FREM3: variants seen among roughly 807,000 people sequenced by gnomAD.
The protein encoded by FREM3 is FRAS1 related extracellular matrix 3, also known as FRAS1-related extracellular matrix protein 3.
In FREM3, 105 loss-of-function variants were observed where a neutral mutation model predicts 129.1. The observed-to-expected ratio is 0.81, with a 90% CI of 0.69 to 0.96. The LOEUF is 0.96. Among genes scored for constraint, FREM3 ranks in the 40% least tolerant of loss-of-function variants. The pLI, the probability that FREM3 is intolerant of heterozygous loss-of-function variation, is 0.00. For synonymous variants in FREM3, 1,014 were observed against 1,044.9 expected, an observed-to-expected ratio of 0.97 and a Z score of 0.57; for missense variants, 2,593 against 2,666.3, an observed-to-expected ratio of 0.97 and a Z score of 0.61.
intron 6 of FREM3, among the ~76,000 whole-genome samples, chr4:143,588,433 C>T (rs1738284560): frequency 6.8e-6 from 1 of 147,560 alleles, no homozygotes; most frequent in South Asian, 2.2e-4. Flanking sequence ...GTGATGTTCT[C>T]CTTCCTGTGT....
rs535926472 is a variant in FREM3 at position 143,587,588 on chromosome 4, A to G, written c.6029-1595T>C. The stretch of plus-strand genomic sequence containing the variant: ...TCTTACCAAGAACTTTCTCCTCATT[A>G]TTGCTAATGGGTGTTTCTGATGCCT... On this transcript the variant is annotated intron_variant, in intron 6 of 7. Transcript: ENST00000329798. Among the ~76,000 whole-genome samples the G allele has an allele frequency of 3.3e-5, 5 of 152,262 alleles. No homozygotes were observed. In the East Asian group the frequency reaches 7.7e-4, roughly 24 times the overall value.
chr4:143,600,832 G>A (rs1010164672), intron 6 of FREM3, among the ~76,000 whole-genome samples: 1 of 152,224 alleles, frequency 6.6e-6, no homozygotes, highest in East Asian at 1.9e-4. Context: ...CATGGAGGCT[G>A]AAAAGACCAC....
intron 5 of FREM3, among the ~76,000 whole-genome samples, chr4:143,619,200 A>G (rs1578837221): frequency 6.6e-6 from 1 of 152,172 alleles, no homozygotes; most frequent in African/African-American, 2.4e-5. Context: ...CATTTTGTGC[A>G]TATGTGTCCT....
At chr4:143,674,047 G>A (rs1033951991) in intron 2 of FREM3, among the ~76,000 whole-genome samples, 4 of 152,198 alleles carry the variant, frequency 2.6e-5, no homozygotes, top group African/African-American at 9.7e-5. Flanking sequence ...TCCTGGGTGA[G>A]GCGATGCCTC....
At chr4:143,612,643 T>A (rs867247247) in intron 5 of FREM3, among the ~76,000 whole-genome samples, 13 of 152,318 alleles carry the variant, frequency 8.5e-5, no homozygotes, top group Middle Eastern at 3.4e-3. Context: ...ATAATTTTTT[T>A]TCTAGAATAA....
chr4:143,586,066 G>A lies in FREM3; in HGVS notation c.6029-73C>T, dbSNP rs539525546. 4 of 1,408,512 alleles carry A rather than the reference G, an allele frequency of 2.8e-6. No homozygotes were observed. The South Asian group carries it at 5.1e-5, about 18-fold the overall frequency. 87.3% of individuals were successfully genotyped at this position (1,408,512 alleles called of 1,614,324 possible). A position where few individuals can be genotyped will look rare whatever the true frequency, so the allele number is the denominator to read the frequency against. On this transcript the variant is annotated intron_variant, in intron 6 of 7. Transcript: ENST00000329798. ...TATACTGTCTCCTTTGGCCCTGTGT[G>A]AGCCTGGGCATTTGTCATAATTGTC...
intron 2 of FREM3, among the ~76,000 whole-genome samples, chr4:143,648,907 G>A (rs1739464896): frequency 6.6e-6 from 1 of 152,006 alleles, no homozygotes; most frequent in South Asian, 2.1e-4. Context: ...GACTACATGT[G>A]TGCACCACCA....
At chr4:143,617,262 G>C (rs77288641) in intron 5 of FREM3, among the ~76,000 whole-genome samples, 2,080 of 152,076 alleles carry the variant, frequency 0.014, 40 homozygotes, top group African/African-American at 0.048. Flanking sequence ...GGCAATGTCT[G>C]GTGACATTTT....
intron 5 of FREM3, among the ~76,000 whole-genome samples, chr4:143,613,152 A>T: frequency 6.6e-6 from 1 of 152,236 alleles, no homozygotes; most frequent in East Asian, 1.9e-4. Flanking sequence ...AAAGAACAAA[A>T]ATTTTAGAAT....
At chr4:143,619,181 T>C (rs576319630) in intron 5 of FREM3, among the ~76,000 whole-genome samples, 74 of 152,198 alleles carry the variant, frequency 4.9e-4, no homozygotes, top group Non-Finnish European at 8.8e-4. Context: ...CAGATTATGC[T>C]AACACTGCCA....
intron 6 of FREM3, among the ~76,000 whole-genome samples, chr4:143,591,822 C>T (rs1235116898): frequency 6.6e-6 from 1 of 152,146 alleles, no homozygotes; most frequent in Non-Finnish European, 1.5e-5. Context: ...ACTGATCTGT[C>T]TAATGTTGAC....
intron 7 of FREM3, among the ~76,000 whole-genome samples, chr4:143,580,983 G>A (rs1578818631): frequency 6.6e-6 from 1 of 152,172 alleles, no homozygotes; most frequent in Non-Finnish European, 1.5e-5. Flanking sequence ...TAGCAGCTCC[G>A]CACTTCCTTG....
chr4:143,611,275 T>C lies in FREM3; in HGVS notation c.6028+4A>G. On this transcript the variant is annotated splice_donor_region_variant and intron_variant, in intron 6 of 7. Coordinates refer to ENST00000329798, the MANE Select transcript of FREM3 (RefSeq NM_001168235.2). ...AAAGGTTGGAAAGCAACAAATGGAC[T>C]TACCATCATAACGATCAGCCAGAAT... 1.3e-6 allele frequency: 2 copies of C among 1,534,822 alleles called. No homozygotes were observed. Among genetic ancestry groups the C allele is most frequent in the South Asian group, 2.4e-5 (2 of 83,940 alleles).
intron 4 of FREM3, among the ~76,000 whole-genome samples, chr4:143,622,421 T>TTC (rs1738967582): frequency 7.6e-6 from 1 of 131,362 alleles, no homozygotes; most frequent in Non-Finnish European, 1.6e-5. Flanking sequence ...TTTTTTTTTT[T>TTC]CCCATTTTGG....
At chr4:143,645,804 A>G (rs1739402675) in intron 2 of FREM3, among the ~76,000 whole-genome samples, 1 of 152,220 alleles carries the variant, frequency 6.6e-6, no homozygotes, top group Non-Finnish European at 1.5e-5. Context: ...GAGAATCCCA[A>G]CTAGTATAGC....
At chr4:143,658,301 C>T (rs1415425247) in intron 2 of FREM3, among the ~76,000 whole-genome samples, 1 of 152,172 alleles carries the variant, frequency 6.6e-6, no homozygotes, top group Non-Finnish European at 1.5e-5. Context: ...ATAAAAGAGA[C>T]TCTTCAACCA....
At chr4:143,593,903 G>A (rs1449218110) in intron 6 of FREM3, among the ~76,000 whole-genome samples, 3 of 152,102 alleles carry the variant, frequency 2.0e-5, no homozygotes, top group African/African-American at 4.8e-5. Context: ...CTTTCCAGCC[G>A]CTTTGGCTCA....
At chr4:143,640,316 A>G (rs1553069) in intron 2 of FREM3, among the ~76,000 whole-genome samples, 1 of 151,988 alleles carries the variant, frequency 6.6e-6, no homozygotes, top group African/African-American at 2.4e-5. Flanking sequence ...CTGTTGAATG[A>G]CAATGCTTTC....
intron 2 of FREM3, among the ~76,000 whole-genome samples, chr4:143,669,412 G>C (rs926930844): frequency 2.0e-5 from 3 of 152,118 alleles, no homozygotes; most frequent in Admixed American, 6.5e-5. Context: ...TAGTAGCTTG[G>C]ACTACAGGCG....
Sources: gnomAD v4.1 joint callset for allele counts (sites outside exome capture counted in the v4.1 genomes callset) on GRCh38, gnomAD v4.1.1 for gene constraint, MANE v1.5 for transcripts, NCBI Gene and HGNC (gene_info 2026-07-23, HGNC 2026-07-21) for gene names.